Variants in ANXA1 observed in about 807,000 individuals in gnomAD.
The protein encoded by ANXA1 is annexin A1.
ANXA1 carries 39 observed loss-of-function variants against 47.9 expected under a neutral mutation model. The observed-to-expected ratio is 0.81, with a 90% confidence interval of 0.63 to 1.06. The LOEUF (loss-of-function observed/expected upper bound fraction) is 1.06, where lower values mean the gene tolerates loss of function less well. ANXA1 is among the 50% of genes least tolerant of loss of function. The probability of loss-of-function intolerance (pLI) is 0.00; values close to 1 mark genes in which losing one functional copy is unlikely to be tolerated. For missense variants in ANXA1, 446 were observed against 422.7 expected (o/e 1.06, Z -0.48); for synonymous variants, 146 against 142.5 (o/e 1.02, Z -0.17).
In ANXA1 at chr9:73,160,308, G is replaced by A; in HGVS notation, c.316G>A (p.Glu106Lys). 1.9e-6 allele frequency: 3 copies of A among 1,586,338 alleles called. No homozygotes were observed. The highest frequency in any genetic ancestry group is 2.6e-6 in the Non-Finnish European group (3 of 1,171,662). The change falls in exon 5 of 13, where the codon GAG (glutamate) becomes AAG (lysine). Residue 106 changes from glutamate (E) to lysine (K), a missense_variant. By Grantham distance (56) the Glu-to-Lys change is moderately conservative (BLOSUM62 1). Transcript: ENST00000257497. Reference protein sequence around the residue: ...LKKALTGHLEEVVLALLKTPA... With the variant: ...LKKALTGHLEKVVLALLKTPA... ...GAAAGCCCTTACAGGTCACCTTGAGGAGGTTGTTTTAGCTCTGCTAAAAAC... is the reference window on the plus strand; with the variant it reads ...GAAAGCCCTTACAGGTCACCTTGAGAAGGTTGTTTTAGCTCTGCTAAAAAC...
intron 11 of ANXA1, chr9:73,168,257 A>C (rs550712290): frequency 2.4e-4 from 37 of 152,352 alleles, no homozygotes; most frequent in African/African-American, 8.7e-4. Flanking sequence ...AATGATAGAC[A>C]TGCTAGGTAC....
chr9:73,156,994 T>C (rs1313497889), intron 1 of ANXA1, among the ~76,000 whole-genome samples: 2 of 152,196 alleles, frequency 1.3e-5, no homozygotes, highest in African/African-American at 4.8e-5. Flanking sequence ...TCTCATTAAA[T>C]AAAAATATTG....
Position 73,159,394 on chromosome 9 carries a change from A to G in ANXA1, c.241A>G (p.Lys81Glu), listed in dbSNP as rs777604252. 2.5e-6 allele frequency: 4 copies of G among 1,613,264 alleles called. No individual in the cohort carries two copies. Among genetic ancestry groups the G allele is most frequent in the Non-Finnish European group, 3.4e-6 (4 of 1,179,436 alleles). Residue 81 changes from lysine to glutamate, a missense_variant, in exon 4 of 13, where the codon AAA becomes GAA. Coordinates refer to ENST00000257497, the MANE Select transcript of ANXA1 (RefSeq NM_000700.3). ...AAACAATGCACAGCGTCAACAGATC[A>G]AAGCAGCATATCTCCAGGAAACAGG... ...KRNNAQRQQIKAAYLQETGKP... is the reference protein window; with the variant it reads ...KRNNAQRQQIEAAYLQETGKP...
At chr9:73,154,375 T>C (rs563687924) in intron 1 of ANXA1, 1 of 1,363,904 alleles carries the variant, frequency 7.3e-7, no homozygotes, top group South Asian at 1.1e-5. Flanking sequence ...ATCATGTCAT[T>C]TTCTTTTTGG....
At chr9:73,168,880 GGTGT>G (rs3832643) in intron 11 of ANXA1, 148 bp from the exon 12 acceptor site, 4,710 of 401,598 alleles carry the variant, frequency 0.012, 74 homozygotes, top group African/African-American at 0.058. Context: ...ATTCGTGTAA[GGTGT>G]GTGTGTGTGT....
chr9:73,153,372 T>G (rs560979435), intron 1 of ANXA1, among the ~76,000 whole-genome samples: 1 of 152,334 alleles, frequency 6.6e-6, no homozygotes, highest in African/African-American at 2.4e-5. Context: ...AACAGTTTTT[T>G]GAAGTCAACT....
At chr9:73,154,737 C>G (rs551056689) in intron 1 of ANXA1, among the ~76,000 whole-genome samples, 26 of 152,176 alleles carry the variant, frequency 1.7e-4, no homozygotes, top group Admixed American at 1.6e-3. Flanking sequence ...CCATGCACAG[C>G]CAAAATATAT....
At chr9:73,164,512 G>A (rs998170371) in intron 8 of ANXA1, among the ~76,000 whole-genome samples, 1 of 152,046 alleles carries the variant, frequency 6.6e-6, no homozygotes, top group Non-Finnish European at 1.5e-5. Flanking sequence ...TATTTATGGA[G>A]GTTACATGGA....
intron 12 of ANXA1, 61 bp downstream of exon 12, chr9:73,169,215 AAGG>A (rs1824284574): frequency 2.6e-6 from 4 of 1,515,950 alleles, no homozygotes; most frequent in East Asian, 2.3e-5. Flanking sequence ...CAAGATCTTC[AAGG>A]AGAAGAGTTG....
At chr9:73,159,209 A>G in intron 3 of ANXA1, 120 bp from the exon 4 acceptor site, 1 of 795,026 alleles carries the variant, frequency 1.3e-6, no homozygotes, top group South Asian at 1.7e-5. Context: ...AGGCTGATAT[A>G]TAATTTATAT....
At chr9:73,165,265 T>A in intron 9 of ANXA1, 56 bp downstream of exon 9, 1 of 1,429,892 alleles carries the variant, frequency 7.0e-7, no homozygotes, top group Non-Finnish European at 9.8e-7. Context: ...ATTTTCTTTT[T>A]TGATGACAAA....
Position 73,166,140 on chromosome 9 carries a change from A to T in ANXA1, c.750A>T (p.Lys250Asn). The T allele has an allele frequency of 6.2e-7, 1 of 1,612,650 alleles. No homozygotes were observed. Among genetic ancestry groups the T allele is most frequent in the East Asian group, 2.2e-5 (1 of 44,784 alleles). The change falls in exon 10 of 13, where the codon AAA becomes AAT. Residue 250 changes from lysine to asparagine, a missense_variant. Physicochemically the swap from Lys to Asn is moderately conservative, Grantham distance 94. Transcript: ENST00000257497. ...AGTACAGTAAGCATGACATGAACAA[A>T]GTTCTGGACCTGGAGTTGAAAGGTG... is the stretch of plus-strand genomic sequence containing the variant. ...YTKYSKHDMN[K>N]VLDLELKGDI...
chr9:73,163,834 G>A (rs1356518936), intron 8 of ANXA1, among the ~76,000 whole-genome samples: 1 of 152,070 alleles, frequency 6.6e-6, no homozygotes, highest in Non-Finnish European at 1.5e-5. Context: ...CGTTGTACTA[G>A]GTATAAGAAG....
chr9:73,159,383 G>T lies in ANXA1; in HGVS notation c.230G>T (p.Arg77Leu). Residue 77 changes from arginine (R) to leucine (L), a missense_variant, in exon 4 of 13, where the codon CGT (arginine) becomes CTT (leucine). Arg to Leu is a moderately radical substitution (Grantham distance 102). Coordinates refer to ENST00000257497, the MANE Select transcript of ANXA1 (RefSeq NM_000700.3). Reference sequence around the variant, plus strand: ...CTAACTAAGCGAAACAATGCACAGCGTCAACAGATCAAAGCAGCATATCTC... The same window carrying T: ...CTAACTAAGCGAAACAATGCACAGCTTCAACAGATCAAAGCAGCATATCTC... ...DILTKRNNAQ[R>L]QQIKAAYLQE... is the part of the protein sequence containing the mutation. 6.2e-7 allele frequency: 1 copy of T among 1,613,150 alleles called. No homozygotes were observed. Among genetic ancestry groups the T allele is most frequent in the Non-Finnish European group, 8.5e-7 (1 of 1,179,436 alleles).
intron 1 of ANXA1, chr9:73,158,280 C>A (rs1483749144): frequency 1.2e-5 from 5 of 413,648 alleles, no homozygotes; most frequent in Non-Finnish European, 2.2e-5. Context: ...AAATTTAGAA[C>A]TGAATATGCC....
chr9:73,156,021 ACCTTTAATATTAGACTGG>A (rs1211266544), intron 1 of ANXA1, among the ~76,000 whole-genome samples: 5 of 149,360 alleles, frequency 3.3e-5, no homozygotes, highest in African/African-American at 1.2e-4. Flanking sequence ...TGTCAGAGAC[ACCTTTAATATTAGACTGG>A]ACAATATCTT....
chr9:73,152,032 CATG>C (rs1428879354), intron 1 of ANXA1, 108 bp downstream of exon 1: 1 of 152,202 alleles, frequency 6.6e-6, no homozygotes, highest in Non-Finnish European at 1.5e-5. Flanking sequence ...TTGCATTTAA[CATG>C]ATAAGTCATT....
intron 10 of ANXA1, 139 bp downstream of exon 10, chr9:73,166,331 T>G (rs922061449): frequency 1.6e-6 from 1 of 615,446 alleles, no homozygotes; most frequent in Non-Finnish European, 2.8e-6. Context: ...CTGTTTCAAT[T>G]GAAGCAACGT....
chr9:73,169,137 C>A lies in ANXA1; in HGVS notation c.967C>A (p.Leu323Ile). 1 of 1,610,864 alleles carries A rather than the reference C, an allele frequency of 6.2e-7. No homozygotes were observed. ...AFYQKMYGIS[L>I]CQAILDETKG... Reference sequence around the variant, plus strand: ...CTATCAGAAGATGTATGGTATCTCCCTTTGCCAAGCCATCCTGGTATGTTT... The same window carrying A: ...CTATCAGAAGATGTATGGTATCTCCATTTGCCAAGCCATCCTGGTATGTTT... Residue 323 changes from leucine (L) to isoleucine (I), a missense_variant, in exon 12 of 13, where the codon CTT (leucine) becomes ATT (isoleucine). By Grantham distance (5) the Leu-to-Ile change is conservative. Coordinates refer to ENST00000257497, the MANE Select transcript of ANXA1 (RefSeq NM_000700.3).
Sources: allele counts gnomAD v4.1 joint callset (sites outside exome capture counted in the v4.1 genomes callset), GRCh38; gene constraint gnomAD v4.1.1; transcripts MANE v1.5; gene names NCBI Gene and HGNC (gene_info 2026-07-23, HGNC 2026-07-21).